The following SRGAP3 variants were observed in gnomAD, a reference collection of about 807,000 sequenced individuals.
The protein encoded by SRGAP3 is SLIT-ROBO Rho GTPase activating protein 3.
SRGAP3 carries 39 observed loss-of-function variants against 121.1 expected under a neutral mutation model. The ratio of observed to expected loss-of-function variants is 0.32; its 90% CI spans 0.25 to 0.42. The LOEUF (loss-of-function observed/expected upper bound fraction) is 0.42. SRGAP3 is among the 10% of genes least tolerant of loss of function. SRGAP3 has a pLI of 1.00. For missense variants in SRGAP3, 1,213 were observed against 1,470.6 expected (o/e 0.82, Z 2.86); for synonymous variants, 601 against 570.0 (o/e 1.05, Z -0.77).
chr3:9,194,863 C>G (rs945194060), intron 1 of SRGAP3, among the ~76,000 whole-genome samples: 4 of 152,260 alleles, frequency 2.6e-5, no homozygotes, highest in Admixed American at 1.3e-4. Flanking sequence ...CATGTACCAT[C>G]CCTTGGCTGC....
chr3:9,102,047 A>C (rs1948237133), intron 3 of SRGAP3, among the ~76,000 whole-genome samples: 1 of 152,230 alleles, frequency 6.6e-6, no homozygotes, highest in African/African-American at 2.4e-5. Flanking sequence ...GAAGATAGGC[A>C]CAGGACAGAC....
At chr3:9,362,162 CTTTTTTTTT>C (rs36036357) in intron 1 of SRGAP3, among the ~76,000 whole-genome samples, 6 of 90,930 alleles carry the variant, frequency 6.6e-5, no homozygotes, top group East Asian at 7.2e-4. Flanking sequence ...AGGTTCAACT[CTTTTTTTTT>C]TTTTTTTTTT....
chr3:9,020,002 C>T (rs1943834969), intron 14 of SRGAP3, among the ~76,000 whole-genome samples: 1 of 152,230 alleles, frequency 6.6e-6, no homozygotes, highest in African/African-American at 2.4e-5. Context: ...GTGAGAAGCA[C>T]ATTTGTACAT....
At chr3:9,323,373 T>C (rs1400006719) in intron 3 of SRGAP3, among the ~76,000 whole-genome samples, 2 of 152,002 alleles carry the variant, frequency 1.3e-5, no homozygotes, top group African/African-American at 4.8e-5. Flanking sequence ...TGGAAAATAC[T>C]GTGTTAAAGT....
At chr3:9,310,893 G>A (rs951546030) in intron 3 of SRGAP3, among the ~76,000 whole-genome samples, 7 of 152,190 alleles carry the variant, frequency 4.6e-5, no homozygotes, top group Non-Finnish European at 8.8e-5. Flanking sequence ...CAGTCGGCCA[G>A]GTGCTGTGGC....
intron 2 of SRGAP3, among the ~76,000 whole-genome samples, chr3:9,111,000 C>G (rs926091632): frequency 2.3e-4 from 35 of 152,260 alleles, no homozygotes; most frequent in Non-Finnish European, 5.9e-5. Context: ...GCCACTCACA[C>G]CATGGAGTCA....
intron 21 of SRGAP3, among the ~76,000 whole-genome samples, chr3:8,989,654 A>G (rs1356502596): frequency 6.6e-6 from 1 of 152,224 alleles, no homozygotes; most frequent in Non-Finnish European, 1.5e-5. Flanking sequence ...AAAAAAATGG[A>G]AACTTCTCAA....
At chr3:9,334,696 GC>G (rs1209947020) in intron 1 of SRGAP3, among the ~76,000 whole-genome samples, 1 of 152,168 alleles carries the variant, frequency 6.6e-6, no homozygotes, top group African/African-American at 2.4e-5. Context: ...CTTGGTGACT[GC>G]CAGGTCTAAT....
chr3:9,204,951 C>A (rs909052838), intron 1 of SRGAP3, among the ~76,000 whole-genome samples: 8 of 152,264 alleles, frequency 5.3e-5, no homozygotes, highest in African/African-American at 1.9e-4. Flanking sequence ...CTATTCTACT[C>A]TTGGCTTGTT....
intron 1 of SRGAP3, among the ~76,000 whole-genome samples, chr3:9,353,709 AG>A (rs1349765217): frequency 2.0e-5 from 3 of 152,244 alleles, no homozygotes; most frequent in African/African-American, 7.2e-5. Flanking sequence ...TTCGGGTTAA[AG>A]GTTCATGGAC....
chr3:9,055,015 A>G (rs1574988369), intron 8 of SRGAP3, among the ~76,000 whole-genome samples: 2 of 152,332 alleles, frequency 1.3e-5, no homozygotes, highest in Non-Finnish European at 2.9e-5. Flanking sequence ...TTCCATTAAC[A>G]TTATGATCCA....
At chr3:9,359,981 G>C (rs1230840957) in intron 1 of SRGAP3, among the ~76,000 whole-genome samples, 1 of 152,194 alleles carries the variant, frequency 6.6e-6, no homozygotes, top group African/African-American at 2.4e-5. Context: ...CCAGGCTGGA[G>C]TACAGTGGTG....
intron 14 of SRGAP3, among the ~76,000 whole-genome samples, chr3:9,023,555 C>T (rs1351403218): frequency 1.3e-5 from 2 of 152,176 alleles, no homozygotes; most frequent in Non-Finnish European, 2.9e-5. Context: ...CCCACTCCAT[C>T]CAGGCTGGGC....
chr3:9,348,078 GCTC>G (rs1361066958), intron 1 of SRGAP3, among the ~76,000 whole-genome samples: 1 of 152,184 alleles, frequency 6.6e-6, no homozygotes, highest in African/African-American at 2.4e-5. Context: ...AATCATCTAG[GCTC>G]CTCATTATTC....
At chr3:9,030,784 C>T (rs1944445364) in intron 12 of SRGAP3, among the ~76,000 whole-genome samples, 1 of 152,150 alleles carries the variant, frequency 6.6e-6, no homozygotes, top group African/African-American at 2.4e-5. Context: ...TTTCCAAAGA[C>T]CTAAGCAAAC....
chr3:8,981,413 G>T lies in SRGAP3; in HGVS notation c.*4106C>A, dbSNP rs1174669905. ...TCTTCTTTCTGGGTTTCTCAGGAGA[G>T]TGAGGCATTTGCACTAGTGTGGAAC... On this transcript the variant is annotated 3_prime_UTR_variant, in exon 22 of 22. Coordinates refer to ENST00000383836, the MANE Select transcript of SRGAP3 (RefSeq NM_014850.4). 4.3e-6 allele frequency: 1 copy of T among 232,648 alleles called. No individual in the cohort carries two copies. The highest frequency in any genetic ancestry group is 8.5e-6 in the Non-Finnish European group (1 of 117,730). The allele number at this position is 232,648 out of a possible 1,614,324, so 14.4% of individuals were successfully genotyped here.
At chr3:9,279,578 A>G (rs947306517) in intron 3 of SRGAP3, among the ~76,000 whole-genome samples, 1 of 148,384 alleles carries the variant, frequency 6.7e-6, no homozygotes, top group Non-Finnish European at 1.5e-5. Context: ...CAGTGGCGCA[A>G]TCTCGGCTCA....
At chr3:9,017,740 A>C (rs1415759249) in intron 14 of SRGAP3, among the ~76,000 whole-genome samples, 4 of 152,198 alleles carry the variant, frequency 2.6e-5, no homozygotes, top group African/African-American at 9.7e-5. Context: ...CTGATATATA[A>C]CATTTTAAAT....
rs200583663 is a variant in SRGAP3, at chr3:9,104,771, C to T, written c.332G>A (p.Arg111Gln). 41 of 1,614,100 alleles carry T rather than the reference C, an allele frequency of 2.5e-5. No individual in the cohort carries two copies. The highest frequency in any genetic ancestry group is 1.3e-4 in the Admixed American group (8 of 60,008). ...GATGTCATTGAGGGTGGCATGGTCT[C>T]GGCTCTCCCGCCGGGTCTGATGCAG... is the stretch of plus-strand genomic sequence containing the variant. ...LVLHQTRRES[R>Q]DHATLNDIFM... Residue 111 changes from arginine (R) to glutamine (Q), a missense_variant, in exon 3 of 22, where the codon CGA becomes CAA. Physicochemically the swap from Arg to Gln is conservative, Grantham distance 43. Around this residue, in one of 2 missense-constraint regions of SRGAP3, gnomAD observed 793 missense variants for 1,032.9 expected, o/e 0.77. Transcript: ENST00000383836.
Sources: allele counts gnomAD v4.1 joint callset (sites outside exome capture counted in the v4.1 genomes callset), GRCh38; gene constraint gnomAD v4.1.1; regional missense constraint gnomAD v4.1.1; transcripts MANE v1.5; gene names NCBI Gene and HGNC (gene_info 2026-07-23, HGNC 2026-07-21).